Variants in SPOCK3 observed in about 807,000 individuals in gnomAD.
The protein encoded by SPOCK3 is testican-3.
In SPOCK3, 30 loss-of-function variants were observed where a neutral mutation model predicts 56.6. The ratio of observed to expected loss-of-function variants is 0.53; its 90% CI spans 0.40 to 0.72. The LOEUF (loss-of-function observed/expected upper bound fraction) is 0.72. Ranked by LOEUF, SPOCK3 falls within the 30% of genes least tolerant of loss-of-function variation. SPOCK3 has a pLI of 0.00. For synonymous variants in SPOCK3, 196 were observed against 183.3 expected, an observed-to-expected ratio of 1.07 and a Z score of -0.56; for missense variants, 527 against 530.0, an observed-to-expected ratio of 0.99 and a Z score of 0.06.
chr4:166,766,321 G>C (rs1579157567), intron 7 of SPOCK3, among the ~76,000 whole-genome samples: 2 of 152,166 alleles, frequency 1.3e-5, no homozygotes, highest in South Asian at 2.1e-4. Context: ...ATTGGCTGTT[G>C]GTTTGTCATA....
At chr4:166,922,850 C>A (rs984534414) in intron 4 of SPOCK3, among the ~76,000 whole-genome samples, 7 of 152,224 alleles carry the variant, frequency 4.6e-5, no homozygotes, top group Non-Finnish European at 1.0e-4. Flanking sequence ...ACCAAGCATT[C>A]TGACCTCTGT....
At chr4:167,003,604 T>C (rs1749163380) in intron 3 of SPOCK3, among the ~76,000 whole-genome samples, 1 of 152,220 alleles carries the variant, frequency 6.6e-6, no homozygotes, top group East Asian at 1.9e-4. Context: ...CCGTCTTGTT[T>C]TCCATTTAGC....
chr4:167,218,364 A>G (rs1160331808), intron 2 of SPOCK3, among the ~76,000 whole-genome samples: 1 of 152,130 alleles, frequency 6.6e-6, no homozygotes, highest in African/African-American at 2.4e-5. Flanking sequence ...TGCTTTTGTC[A>G]CCTTTGAGGC....
chr4:167,023,606 A>G (rs1454857905), intron 3 of SPOCK3, among the ~76,000 whole-genome samples: 2 of 152,150 alleles, frequency 1.3e-5, no homozygotes, highest in East Asian at 1.9e-4. Flanking sequence ...TAACAGCCGT[A>G]GTTCTTTGAT....
chr4:166,952,939 T>C (rs867170505), intron 4 of SPOCK3, among the ~76,000 whole-genome samples: 8 of 150,594 alleles, frequency 5.3e-5, no homozygotes, highest in Non-Finnish European at 1.0e-4. Context: ...CAATTCAAGA[T>C]GGATTAAAGA....
At chr4:167,216,685 T>C (rs1002964361) in intron 2 of SPOCK3, among the ~76,000 whole-genome samples, 1 of 152,236 alleles carries the variant, frequency 6.6e-6, no homozygotes, top group Non-Finnish European at 1.5e-5. Context: ...GTAGAAATGA[T>C]GGCATTGCAC....
intron 7 of SPOCK3, among the ~76,000 whole-genome samples, chr4:166,769,581 G>T (rs1285176930): frequency 6.6e-6 from 1 of 152,152 alleles, no homozygotes; most frequent in African/African-American, 2.4e-5. Context: ...GCCATGTGAG[G>T]TGTCAGTCTG....
chr4:166,952,961 G>A (rs372774282), intron 4 of SPOCK3, among the ~76,000 whole-genome samples: 3 of 150,902 alleles, frequency 2.0e-5, no homozygotes, highest in Admixed American at 1.3e-4. Context: ...TTAAACGTTA[G>A]ACCTAAAACC....
intron 9 of SPOCK3, among the ~76,000 whole-genome samples, chr4:166,737,908 A>G (rs890756562): frequency 6.6e-6 from 1 of 152,228 alleles, no homozygotes. Context: ...GGCACAATAC[A>G]GAATTAAAAT....
chr4:166,928,069 GACA>G (rs2149990717), intron 4 of SPOCK3, among the ~76,000 whole-genome samples: 1 of 152,226 alleles, frequency 6.6e-6, no homozygotes, highest in African/African-American at 2.4e-5. Flanking sequence ...TCAGAACGCT[GACA>G]ACACCAAAAG....
intron 6 of SPOCK3, among the ~76,000 whole-genome samples, chr4:166,830,822 G>A (rs1475005506): frequency 6.6e-6 from 1 of 152,016 alleles, no homozygotes; most frequent in Non-Finnish European, 1.5e-5. Context: ...AACAAGGTAG[G>A]ACCAAGGACA....
chr4:166,981,071 C>T (rs887997940), intron 4 of SPOCK3, among the ~76,000 whole-genome samples: 1 of 152,212 alleles, frequency 6.6e-6, no homozygotes, highest in African/African-American at 2.4e-5. Context: ...AGCAATAGAA[C>T]TGCTCTTAGG....
At chr4:166,946,786 TG>T (rs1741811714) in intron 4 of SPOCK3, among the ~76,000 whole-genome samples, 1 of 152,200 alleles carries the variant, frequency 6.6e-6, no homozygotes, top group African/African-American at 2.4e-5. Context: ...AAGTACAGCA[TG>T]GGCAGGAATG....
chr4:166,783,229 C>A (rs912492681), intron 7 of SPOCK3, among the ~76,000 whole-genome samples: 1 of 152,062 alleles, frequency 6.6e-6, no homozygotes, highest in African/African-American at 2.4e-5. Flanking sequence ...CATGGTGGCA[C>A]ATGCCTGTAA....
At chr4:167,210,779 A>G (rs1009467006) in intron 2 of SPOCK3, among the ~76,000 whole-genome samples, 1 of 152,154 alleles carries the variant, frequency 6.6e-6, no homozygotes, top group African/African-American at 2.4e-5. Flanking sequence ...ATACAAATAT[A>G]TGACTAGCTC....
At chr4:166,903,135 A>G in intron 5 of SPOCK3, among the ~76,000 whole-genome samples, 1 of 147,270 alleles carries the variant, frequency 6.8e-6, no homozygotes, top group South Asian at 2.1e-4. Context: ...AATATAAATT[A>G]TAAATAATTT....
intron 4 of SPOCK3, among the ~76,000 whole-genome samples, chr4:166,961,279 A>G (rs894014452): frequency 8.5e-5 from 13 of 152,052 alleles, no homozygotes; most frequent in African/African-American, 2.7e-4. Context: ...ATTTTAAAAC[A>G]TGAGTGCATA....
At position 166,845,517 on chromosome 4, in the gene SPOCK3, CTGTT is replaced by C. The variant is rs1358196262; in HGVS notation, c.589+43609_589+43612del. Among the ~76,000 whole-genome samples, 20 of 152,184 alleles carry C rather than the reference CTGTT, an allele frequency of 1.3e-4. 1 individual carries two copies. In the South Asian group the frequency reaches 3.7e-3, roughly 28 times the overall value. On this transcript the variant is annotated intron_variant, in intron 6 of 10. Transcript: ENST00000357545. ...TCAGAAAAAAAATACTTCCTGAGTA[CTGTT>C]TAAGTGATTGAAGGAATTTTGAAGT...
Position 167,177,514 on chromosome 4 carries a change from T to C in SPOCK3, c.189+56471A>G, listed in dbSNP as rs531665130. Among the ~76,000 whole-genome samples the C allele has an allele frequency of 5.9e-5, 9 of 152,088 alleles. No homozygotes were observed. In the South Asian group the frequency reaches 1.0e-3, roughly 18 times the overall value. On this transcript the variant is annotated intron_variant, in intron 2 of 10. Transcript: ENST00000357545. ...AATCATGGGGCACCTCAGAGAGTGA[T>C]TGGAAGGACTTATTATGGGATTCAG...
Sources: allele counts gnomAD v4.1 joint callset (sites outside exome capture counted in the v4.1 genomes callset), GRCh38; gene constraint gnomAD v4.1.1; transcripts MANE v1.5; gene names NCBI Gene and HGNC (gene_info 2026-07-23, HGNC 2026-07-21).